The following RBFOX1 variants were observed in gnomAD, a reference collection of about 807,000 sequenced individuals.
RBFOX1 encodes the protein RNA binding fox-1 homolog 1.
In RBFOX1, 8 loss-of-function variants were observed where a neutral mutation model predicts 57.7. That is an observed-to-expected ratio of 0.14 (90% CI 0.08 to 0.25). The LOEUF is 0.25. Among genes scored for constraint, RBFOX1 ranks in the 10% least tolerant of loss-of-function variants. The probability of loss-of-function intolerance (pLI) is 1.00; values close to 1 mark genes in which losing one functional copy is unlikely to be tolerated. For missense variants in RBFOX1, 611 were observed against 548.5 expected, an observed-to-expected ratio of 1.11 and a Z score of -1.14; for synonymous variants, 326 against 222.4, an observed-to-expected ratio of 1.47 and a Z score of -4.15.
At chr16:5,437,926 A>G (rs758356683) in intron 1 of RBFOX1, among the ~76,000 whole-genome samples, 28 of 152,326 alleles carry the variant, frequency 1.8e-4, no homozygotes, top group Admixed American at 2.6e-4. Context: ...GTTTGTGTGT[A>G]TATTTTTCCT....
At chr16:6,640,584 A>G (rs2154072162) in intron 2 of RBFOX1, among the ~76,000 whole-genome samples, 1 of 152,230 alleles carries the variant, frequency 6.6e-6, no homozygotes, top group Admixed American at 6.5e-5. Flanking sequence ...CTCCAGCCTC[A>G]GCGACAGAGT....
At chr16:5,695,686 CCCTTTGA>C (rs1408507726) in intron 3 of RBFOX1, among the ~76,000 whole-genome samples, 1 of 152,166 alleles carries the variant, frequency 6.6e-6, no homozygotes, top group Non-Finnish European at 1.5e-5. Context: ...CACCTTTGCA[CCCTTTGA>C]CCTATGCTTG....
At chr16:7,445,390 G>C (rs1032243912) in intron 4 of RBFOX1, among the ~76,000 whole-genome samples, 4 of 152,122 alleles carry the variant, frequency 2.6e-5, no homozygotes, top group Non-Finnish European at 5.9e-5. Flanking sequence ...TTATGCACCA[G>C]CTCCATTTGA....
chr16:5,678,604 T>C (rs1321649772), intron 3 of RBFOX1, among the ~76,000 whole-genome samples: 1 of 152,164 alleles, frequency 6.6e-6, no homozygotes, highest in East Asian at 1.9e-4. Context: ...TTCCTCTGGG[T>C]GCTTGAGCCC....
intron 4 of RBFOX1, among the ~76,000 whole-genome samples, chr16:5,984,537 A>G (rs2060243659): frequency 1.3e-5 from 2 of 152,104 alleles, no homozygotes; most frequent in African/African-American, 4.8e-5. Context: ...ATTGACAGGA[A>G]TTACTTACCT....
intron 3 of RBFOX1, among the ~76,000 whole-genome samples, chr16:6,854,310 T>C (rs2057392078): frequency 6.6e-6 from 1 of 152,106 alleles, no homozygotes; most frequent in Non-Finnish European, 1.5e-5. Context: ...ATGACTGTAT[T>C]AGGAAGGAGT....
At chr16:5,385,180 G>A (rs1253398992) in intron 1 of RBFOX1, among the ~76,000 whole-genome samples, 1 of 152,176 alleles carries the variant, frequency 6.6e-6, no homozygotes, top group Non-Finnish European at 1.5e-5. Context: ...TTCTCATTCA[G>A]TTCTCACCAC....
At chr16:6,230,574 A>G (rs1456551712) in intron 1 of RBFOX1, among the ~76,000 whole-genome samples, 1 of 152,196 alleles carries the variant, frequency 6.6e-6, no homozygotes, top group Non-Finnish European at 1.5e-5. Context: ...CCGTGGGTCA[A>G]CAGTTTGGAC....
chr16:6,650,709 C>G (rs1242418874), intron 2 of RBFOX1, among the ~76,000 whole-genome samples: 1 of 152,138 alleles, frequency 6.6e-6, no homozygotes, highest in African/African-American at 2.4e-5. Context: ...ATGATATTGT[C>G]TCTTTTTGTT....
intron 3 of RBFOX1, among the ~76,000 whole-genome samples, chr16:6,919,315 C>T (rs2073949989): frequency 6.6e-6 from 1 of 152,120 alleles, no homozygotes; most frequent in African/African-American, 2.4e-5. Flanking sequence ...TGACCAATTC[C>T]TATTTATCCT....
At chr16:7,672,260 G>A (rs1420787334) in intron 13 of RBFOX1, among the ~76,000 whole-genome samples, 1 of 152,158 alleles carries the variant, frequency 6.6e-6, no homozygotes, top group Non-Finnish European at 1.5e-5. Context: ...CTGGCCTAGA[G>A]TCTCCAAATT....
At chr16:6,663,264 C>T (rs1181635875) in intron 3 of RBFOX1, among the ~76,000 whole-genome samples, 2 of 152,142 alleles carry the variant, frequency 1.3e-5, no homozygotes, top group South Asian at 2.1e-4. Flanking sequence ...AGGAACTTGT[C>T]ACAGACGGCT....
chr16:6,691,685 A>G (rs2060231468), intron 3 of RBFOX1, among the ~76,000 whole-genome samples: 1 of 152,158 alleles, frequency 6.6e-6, no homozygotes, highest in Non-Finnish European at 1.5e-5. Context: ...GGTCCTCCAA[A>G]CTGTCCACGT....
intron 2 of RBFOX1, among the ~76,000 whole-genome samples, chr16:6,413,446 G>C (rs2093530167): frequency 6.6e-6 from 1 of 152,124 alleles, no homozygotes; most frequent in Non-Finnish European, 1.5e-5. Context: ...TTACAGGTGT[G>C]AGCCACTGTG....
chr16:6,746,153 T>C (rs1568439885), intron 3 of RBFOX1, among the ~76,000 whole-genome samples: 1 of 152,004 alleles, frequency 6.6e-6, no homozygotes. Flanking sequence ...CAGGCCAATA[T>C]CGTGTGTAGG....
intron 4 of RBFOX1, among the ~76,000 whole-genome samples, chr16:7,493,280 A>G (rs568651667): frequency 1.0e-3 from 157 of 152,328 alleles, no homozygotes; most frequent in African/African-American, 3.7e-3. Context: ...CAACAGCCAC[A>G]CGTGGCTAGA....
At chr16:5,293,349 C>T (rs998768756) in intron 1 of RBFOX1, among the ~76,000 whole-genome samples, 2 of 151,832 alleles carry the variant, frequency 1.3e-5, no homozygotes, top group Non-Finnish European at 2.9e-5. Flanking sequence ...GTTATCACAC[C>T]TCATCCCCAC....
chr16:7,265,908 C>G (rs914739124), intron 4 of RBFOX1, among the ~76,000 whole-genome samples: 4 of 148,392 alleles, frequency 2.7e-5, no homozygotes, highest in African/African-American at 1.0e-4. Flanking sequence ...TGGGTTCTTC[C>G]TTGCTTGGTG....
intron 4 of RBFOX1, among the ~76,000 whole-genome samples, chr16:7,421,225 C>T (rs979850295): frequency 6.8e-5 from 10 of 147,002 alleles, no homozygotes; most frequent in African/African-American, 2.5e-4. Flanking sequence ...ACATGGGAGG[C>T]AGAAAGACAA....
Sources: gnomAD v4.1 joint callset for allele counts (sites outside exome capture counted in the v4.1 genomes callset) on GRCh38, gnomAD v4.1.1 for gene constraint, MANE v1.5 for transcripts, NCBI Gene and HGNC (gene_info 2026-07-23, HGNC 2026-07-21) for gene names.